Variants in CDC37L1 observed in about 807,000 individuals in gnomAD.
The protein encoded by CDC37L1 is hsp90 co-chaperone Cdc37-like 1.
A neutral mutation model predicts 45.9 loss-of-function variants in CDC37L1; 32 were observed. The observed-to-expected ratio is 0.70, with a 90% confidence interval of 0.53 to 0.94. The LOEUF (loss-of-function observed/expected upper bound fraction) is 0.94, where lower values mean the gene tolerates loss of function less well. Among genes scored for constraint, CDC37L1 ranks in the 40% least tolerant of loss-of-function variants. The pLI, the probability that CDC37L1 is intolerant of heterozygous loss-of-function variation, is 0.00. For missense variants in CDC37L1, 434 were observed against 405.7 expected, an observed-to-expected ratio of 1.07 and a Z score of -0.60; for synonymous variants, 150 against 133.0, an observed-to-expected ratio of 1.13 and a Z score of -0.88.
At chr9:4,697,736 T>C (rs1162110299) in intron 4 of CDC37L1, 21 bp from the exon 5 acceptor site, 3 of 1,212,868 alleles carry the variant, frequency 2.5e-6, no homozygotes, top group Non-Finnish European at 3.5e-6. Flanking sequence ...TTGTTTCTTA[T>C]ATCATTTAAA....
chr9:4,679,973 A>C, intron 1 of CDC37L1, 74 bp downstream of exon 1: 2 of 1,570,752 alleles, frequency 1.3e-6, no homozygotes, highest in Non-Finnish European at 8.7e-7. Context: ...CGCGTCTCCC[A>C]GACCCTCTTC....
intron 6 of CDC37L1, chr9:4,703,358 A>T: frequency 9.8e-6 from 2 of 203,702 alleles, no homozygotes; most frequent in Non-Finnish European, 1.8e-5. Flanking sequence ...CTCTGGCTGA[A>T]AAAAAAAAAA....
chr9:4,706,267 T>C lies in CDC37L1; in HGVS notation c.*155T>C, dbSNP rs1252664352. 6 of 458,506 alleles carry C rather than the reference T, an allele frequency of 1.3e-5. No individual in the cohort carries two copies. Among genetic ancestry groups the C allele is most frequent in the Non-Finnish European group, 2.4e-5 (6 of 249,194 alleles). 28.4% of individuals were successfully genotyped at this position (458,506 alleles called of 1,614,324 possible). ...GAAATGTTTTGTAAATTTTTTTTAATGTGCTGCTAGGTTTTTTGTTTTGTT... is the reference window on the plus strand; with the variant it reads ...GAAATGTTTTGTAAATTTTTTTTAACGTGCTGCTAGGTTTTTTGTTTTGTT... On this transcript the variant is annotated 3_prime_UTR_variant, in exon 7 of 7. Transcript: ENST00000381854.
At chr9:4,705,509 T>A (rs1165745343) in intron 6 of CDC37L1, among the ~76,000 whole-genome samples, 3 of 152,168 alleles carry the variant, frequency 2.0e-5, no homozygotes, top group Non-Finnish European at 4.4e-5. Flanking sequence ...GTGTACAGAT[T>A]TCTCACTGAG....
chr9:4,695,142 T>C (rs1319053596), intron 3 of CDC37L1, among the ~76,000 whole-genome samples: 2 of 152,158 alleles, frequency 1.3e-5, no homozygotes, highest in Non-Finnish European at 2.9e-5. Flanking sequence ...GGTTCAAGTA[T>C]AAGAAATAAG....
Position 4,708,069 on chromosome 9 carries a change from G to C in CDC37L1, c.*1957G>C, listed in dbSNP as rs1480801339. 2 of 152,218 alleles carry C rather than the reference G, an allele frequency of 1.3e-5. No individual in the cohort carries two copies. Among genetic ancestry groups the C allele is most frequent in the African/African-American group, 4.8e-5 (2 of 41,454 alleles). The allele number at this position is 152,218 out of a possible 1,614,324, so 9.4% of individuals were successfully genotyped here. On this transcript the variant is annotated 3_prime_UTR_variant, in exon 7 of 7. Transcript: ENST00000381854. ...AATATACTGTGTTTTGAGTATGAAA[G>C]TGTGATTGGGTCTGTTGTGGGAACC...
At chr9:4,703,742 G>C (rs1222907067) in intron 6 of CDC37L1, among the ~76,000 whole-genome samples, 1 of 152,194 alleles carries the variant, frequency 6.6e-6, no homozygotes, top group African/African-American at 2.4e-5. Context: ...CCTCTGGTTT[G>C]AGAGAAGTAA....
chr9:4,692,420 C>T (rs1467044107), intron 3 of CDC37L1, among the ~76,000 whole-genome samples: 1 of 152,110 alleles, frequency 6.6e-6, no homozygotes, highest in African/African-American at 2.4e-5. Context: ...CAGGCGCCTG[C>T]TACCACGCCT....
At chr9:4,683,454 T>C (rs1311627224) in intron 1 of CDC37L1, among the ~76,000 whole-genome samples, 2 of 151,968 alleles carry the variant, frequency 1.3e-5, no homozygotes, top group Admixed American at 6.6e-5. Flanking sequence ...TGGATGAAGA[T>C]AGGAGTTTCT....
At chr9:4,705,177 G>C (rs977211952) in intron 6 of CDC37L1, among the ~76,000 whole-genome samples, 4 of 152,100 alleles carry the variant, frequency 2.6e-5, no homozygotes, top group Non-Finnish European at 5.9e-5. Context: ...CCTCACTGGT[G>C]TTTATTAAAT....
intron 5 of CDC37L1, among the ~76,000 whole-genome samples, chr9:4,701,137 T>G (rs1184496861): frequency 6.6e-6 from 1 of 152,226 alleles, no homozygotes; most frequent in Non-Finnish European, 1.5e-5. Context: ...CAAGATCTCT[T>G]CCACTACTTG....
intron 2 of CDC37L1, 173 bp downstream of exon 2, chr9:4,685,331 C>G: frequency 1.8e-6 from 1 of 565,622 alleles, no homozygotes; most frequent in Non-Finnish European, 3.2e-6. Flanking sequence ...AAAGCTCTTG[C>G]TGTAGAGCTG....
chr9:4,680,591 T>G (rs1841182271), intron 1 of CDC37L1, among the ~76,000 whole-genome samples: 1 of 146,408 alleles, frequency 6.8e-6, no homozygotes, highest in Non-Finnish European at 1.5e-5. Flanking sequence ...CCTGCCTTCC[T>G]GCGACTGAAA....
intron 6 of CDC37L1, among the ~76,000 whole-genome samples, chr9:4,703,485 A>T (rs548457887): frequency 6.6e-6 from 1 of 152,264 alleles, no homozygotes; most frequent in South Asian, 2.1e-4. Context: ...TTATCTCTTA[A>T]TTTTATTTAA....
chr9:4,687,012 C>T (rs954296055), intron 2 of CDC37L1, among the ~76,000 whole-genome samples: 4 of 152,146 alleles, frequency 2.6e-5, no homozygotes, highest in African/African-American at 7.2e-5. Flanking sequence ...TGCTTTTTAA[C>T]GTGGCTAATA....
At chr9:4,698,563 C>T (rs1008204918) in intron 5 of CDC37L1, among the ~76,000 whole-genome samples, 1 of 151,644 alleles carries the variant, frequency 6.6e-6, no homozygotes, top group Non-Finnish European at 1.5e-5. Context: ...TAAGAATTTG[C>T]GTTCACTGCT....
chr9:4,682,642 A>G (rs917601963), intron 1 of CDC37L1, among the ~76,000 whole-genome samples: 2 of 151,244 alleles, frequency 1.3e-5, no homozygotes, highest in Non-Finnish European at 2.9e-5. Flanking sequence ...GCTAAGTTTT[A>G]AAATATTTTT....
At chr9:4,698,541 G>A (rs1469393437) in intron 5 of CDC37L1, among the ~76,000 whole-genome samples, 1 of 151,612 alleles carries the variant, frequency 6.6e-6, no homozygotes, top group African/African-American at 2.4e-5. Context: ...AGCTGCCCAA[G>A]AAGTAGGGCA....
intron 5 of CDC37L1, 67 bp from the exon 6 acceptor site, chr9:4,701,797 T>G: frequency 8.0e-7 from 1 of 1,246,326 alleles, no homozygotes; most frequent in Non-Finnish European, 1.1e-6. Flanking sequence ...TTATATGCTT[T>G]CTGGAATTTA....
Sources: allele counts gnomAD v4.1 joint callset (sites outside exome capture counted in the v4.1 genomes callset), GRCh38; gene constraint gnomAD v4.1.1; transcripts MANE v1.5; gene names NCBI Gene and HGNC (gene_info 2026-07-23, HGNC 2026-07-21).